KCNIP4: variants seen among roughly 807,000 people sequenced by gnomAD.
KCNIP4 encodes the protein Kv channel-interacting protein 4.
A neutral mutation model predicts 34.0 loss-of-function variants in KCNIP4; 12 were observed. The ratio of observed to expected loss-of-function variants is 0.35; its 90% CI spans 0.23 to 0.57. The LOEUF (loss-of-function observed/expected upper bound fraction) is 0.57. Among genes scored for constraint, KCNIP4 ranks in the 20% least tolerant of loss-of-function variants. The pLI is 0.83. For synonymous variants in KCNIP4, 124 were observed against 102.2 expected, an observed-to-expected ratio of 1.21 and a Z score of -1.29; for missense variants, 238 against 311.7, an observed-to-expected ratio of 0.76 and a Z score of 1.78.
intron 1 of KCNIP4, among the ~76,000 whole-genome samples, chr4:20,997,953 T>A (rs1445495916): frequency 2.0e-5 from 3 of 152,170 alleles, no homozygotes; most frequent in Admixed American, 6.5e-5. Context: ...GATAAAGTTG[T>A]TCTTGAGAAA....
At chr4:21,896,386 G>T (rs111292000) in intron 1 of KCNIP4, among the ~76,000 whole-genome samples, 130 of 152,224 alleles carry the variant, frequency 8.5e-4, no homozygotes, top group African/African-American at 3.0e-3. Context: ...TAAAAATATA[G>T]CTGGTAGCCC....
intron 1 of KCNIP4, among the ~76,000 whole-genome samples, chr4:21,660,242 T>C (rs931115411): frequency 2.6e-5 from 4 of 152,152 alleles, no homozygotes; most frequent in African/African-American, 9.7e-5. Flanking sequence ...TAGACTATAA[T>C]ACATGAAAGG....
At chr4:20,847,822 GT>G (rs1720555749) in intron 3 of KCNIP4, among the ~76,000 whole-genome samples, 1 of 152,140 alleles carries the variant, frequency 6.6e-6, no homozygotes, top group Admixed American at 6.6e-5. Context: ...TTGACGAATG[GT>G]TTATCCTTTG....
intron 1 of KCNIP4, among the ~76,000 whole-genome samples, chr4:21,378,046 T>C (rs1210982679): frequency 1.8e-5 from 2 of 111,208 alleles, no homozygotes; most frequent in Non-Finnish European, 4.0e-5. Flanking sequence ...AACTTGTTCA[T>C]TCACTTCACT....
chr4:21,280,062 T>C (rs1325153988), intron 1 of KCNIP4, among the ~76,000 whole-genome samples: 1 of 152,206 alleles, frequency 6.6e-6, no homozygotes, highest in African/African-American at 2.4e-5. Flanking sequence ...TTTGTCTAAA[T>C]ATTGCAGGGC....
intron 1 of KCNIP4, among the ~76,000 whole-genome samples, chr4:21,224,174 A>G (rs1758185747): frequency 6.6e-6 from 1 of 152,064 alleles, no homozygotes; most frequent in Non-Finnish European, 1.5e-5. Flanking sequence ...GGGTTGCCGT[A>G]ACAAAAATAT....
chr4:21,076,210 T>A (rs1402260281), intron 1 of KCNIP4, among the ~76,000 whole-genome samples: 1 of 152,166 alleles, frequency 6.6e-6, no homozygotes, highest in Admixed American at 6.6e-5. Flanking sequence ...GGAAGTTCTC[T>A]CCTGGATAAT....
At chr4:21,256,590 C>A (rs2109092313) in intron 1 of KCNIP4, among the ~76,000 whole-genome samples, 1 of 151,842 alleles carries the variant, frequency 6.6e-6, no homozygotes, top group South Asian at 2.1e-4. Flanking sequence ...CAGAGTAAGA[C>A]AGTCTCAAGA....
chr4:20,884,205 A>C, intron 1 of KCNIP4, among the ~76,000 whole-genome samples: 1 of 152,212 alleles, frequency 6.6e-6, no homozygotes, highest in Non-Finnish European at 1.5e-5. Flanking sequence ...ATTAGTATCT[A>C]AGTAAGCTTT....
chr4:20,866,470 A>G (rs1560527735), intron 2 of KCNIP4, among the ~76,000 whole-genome samples: 1 of 152,116 alleles, frequency 6.6e-6, no homozygotes, highest in African/African-American at 2.4e-5. Flanking sequence ...TTTTATGATA[A>G]AAACCCTTAC....
Position 21,039,267 on chromosome 4 carries a change from C to G in KCNIP4, c.62-156558G>C, listed in dbSNP as rs921185111. Among the ~76,000 whole-genome samples the G allele has an allele frequency of 8.6e-5, 13 of 151,624 alleles. No homozygotes were observed. In the East Asian group the frequency reaches 2.3e-3, roughly 27 times the overall value. On this transcript the variant is annotated intron_variant, in intron 1 of 8. Transcript: ENST00000382152. Reference sequence around the variant, plus strand: ...ATCCCAGCTACTCAGGAGGCTGAGGCAGGAGAATTGCTTGAACCAGGGAAC... The same window carrying G: ...ATCCCAGCTACTCAGGAGGCTGAGGGAGGAGAATTGCTTGAACCAGGGAAC...
At chr4:21,639,014 A>G (rs527794738) in intron 1 of KCNIP4, among the ~76,000 whole-genome samples, 404 of 152,334 alleles carry the variant, frequency 2.7e-3, no homozygotes, top group African/African-American at 9.2e-3. Context: ...GACTTTGTCA[A>G]GGCATAAGTA....
intron 1 of KCNIP4, among the ~76,000 whole-genome samples, chr4:21,238,797 T>C (rs1216484816): frequency 6.6e-6 from 1 of 152,164 alleles, no homozygotes; most frequent in Non-Finnish European, 1.5e-5. Flanking sequence ...AAAATGGCTA[T>C]ACTGCCCAAG....
At chr4:20,908,755 A>C (rs571145191) in intron 1 of KCNIP4, among the ~76,000 whole-genome samples, 1 of 152,208 alleles carries the variant, frequency 6.6e-6, no homozygotes, top group East Asian at 1.9e-4. Flanking sequence ...ATAGAGTTGC[A>C]TGGCTTGGGC....
intron 1 of KCNIP4, among the ~76,000 whole-genome samples, chr4:21,346,896 G>A (rs973442799): frequency 6.6e-6 from 1 of 152,074 alleles, no homozygotes; most frequent in Non-Finnish European, 1.5e-5. Flanking sequence ...TTTTTGCTAC[G>A]ATCAAACCAC....
At chr4:21,750,224 A>T (rs1577937589) in intron 1 of KCNIP4, among the ~76,000 whole-genome samples, 1 of 152,300 alleles carries the variant, frequency 6.6e-6, no homozygotes, top group East Asian at 1.9e-4. Context: ...TATGTTCAAG[A>T]AACCCTTTAT....
chr4:21,363,087 A>G (rs913900807), intron 1 of KCNIP4, among the ~76,000 whole-genome samples: 4 of 152,170 alleles, frequency 2.6e-5, no homozygotes, highest in South Asian at 2.1e-4. Context: ...CCTTTTTGCA[A>G]ATGAGAAAAC....
intron 1 of KCNIP4, among the ~76,000 whole-genome samples, chr4:21,063,416 T>C (rs1744093603): frequency 6.6e-6 from 1 of 152,330 alleles, no homozygotes; most frequent in African/African-American, 2.4e-5. Context: ...TCACAGTTTC[T>C]TTTCTTGATA....
At chr4:21,025,520 C>A (rs1173838705) in intron 1 of KCNIP4, among the ~76,000 whole-genome samples, 1 of 105,732 alleles carries the variant, frequency 9.5e-6, no homozygotes, top group Non-Finnish European at 1.8e-5. Context: ...GAGAGAACTG[C>A]AAAAAGGTCA....
Sources: gnomAD v4.1 joint callset for allele counts (sites outside exome capture counted in the v4.1 genomes callset) on GRCh38, gnomAD v4.1.1 for gene constraint, MANE v1.5 for transcripts, NCBI Gene and HGNC (gene_info 2026-07-23, HGNC 2026-07-21) for gene names.